The following NREP variants were observed in gnomAD, a reference collection of about 807,000 sequenced individuals.
The protein encoded by NREP is neuronal regeneration-related protein.
NREP carries 5 observed loss-of-function variants against 8.6 expected under a neutral mutation model. The ratio of observed to expected loss-of-function variants is 0.58; its 90% confidence interval spans 0.30 to 1.22. The LOEUF (loss-of-function observed/expected upper bound fraction) is 1.22. Among genes scored for constraint, NREP ranks in the 50% most tolerant of loss-of-function variants. The pLI is 0.07. For synonymous variants in NREP, 27 were observed against 28.0 expected, an observed-to-expected ratio of 0.96 and a Z score of 0.11; for missense variants, 86 against 82.5, an observed-to-expected ratio of 1.04 and a Z score of -0.17.
intron 2 of NREP, among the ~76,000 whole-genome samples, chr5:111,842,746 T>C (rs1581158884): frequency 6.6e-6 from 1 of 152,184 alleles, no homozygotes; most frequent in East Asian, 1.9e-4. Context: ...CATTTCTTGT[T>C]AGGCAAGTTC....
intron 2 of NREP, among the ~76,000 whole-genome samples, chr5:111,778,469 A>T (rs1021496421): frequency 6.6e-6 from 1 of 152,108 alleles, no homozygotes; most frequent in Non-Finnish European, 1.5e-5. Context: ...CCTCTAAACC[A>T]TGTCCTTTTT....
At chr5:111,965,466 A>G (rs1756617282) in intron 2 of NREP, among the ~76,000 whole-genome samples, 1 of 152,198 alleles carries the variant, frequency 6.6e-6, no homozygotes, top group South Asian at 2.1e-4. Flanking sequence ...ATGAAAAATG[A>G]AATATCTAAC....
chr5:111,857,076 C>T (rs1386429695), intron 2 of NREP, among the ~76,000 whole-genome samples: 2 of 152,120 alleles, frequency 1.3e-5, no homozygotes, highest in African/African-American at 2.4e-5. Context: ...TGACAAAACA[C>T]AGCTGTAATA....
intron 2 of NREP, among the ~76,000 whole-genome samples, chr5:111,865,087 G>C (rs574046603): frequency 6.6e-6 from 1 of 152,200 alleles, no homozygotes; most frequent in African/African-American, 2.4e-5. Context: ...TGAAGCAATA[G>C]ACAGCATGCT....
intron 2 of NREP, among the ~76,000 whole-genome samples, chr5:111,945,877 T>A (rs1361336905): frequency 6.6e-6 from 1 of 152,020 alleles, no homozygotes; most frequent in Non-Finnish European, 1.5e-5. Flanking sequence ...TCAGCAAGTT[T>A]CTTACATTTA....
At chr5:111,777,009 G>A (rs1302975515) in intron 2 of NREP, among the ~76,000 whole-genome samples, 1 of 117,866 alleles carries the variant, frequency 8.5e-6, no homozygotes, top group African/African-American at 3.4e-5. Context: ...GGAGGAGGAA[G>A]GAGGTGGAGG....
chr5:111,800,153 C>T (rs911331196), intron 2 of NREP, among the ~76,000 whole-genome samples: 7 of 150,980 alleles, frequency 4.6e-5, no homozygotes, highest in Non-Finnish European at 5.9e-5. Flanking sequence ...TGATCTCAAA[C>T]TCCTGCCCTT....
intron 2 of NREP, among the ~76,000 whole-genome samples, chr5:111,837,573 T>G (rs1454614069): frequency 6.6e-6 from 1 of 152,138 alleles, no homozygotes; most frequent in Admixed American, 6.6e-5. Flanking sequence ...TAAGACTTTA[T>G]CTTACCTTTC....
chr5:111,832,395 G>T (rs1484453206), intron 2 of NREP, among the ~76,000 whole-genome samples: 1 of 152,028 alleles, frequency 6.6e-6, no homozygotes, highest in Non-Finnish European at 1.5e-5. Flanking sequence ...TTAGCTGGGG[G>T]TGGCATGAGC....
At chr5:111,954,557 T>G (rs1756256924) in intron 2 of NREP, among the ~76,000 whole-genome samples, 1 of 152,172 alleles carries the variant, frequency 6.6e-6, no homozygotes, top group Admixed American at 6.5e-5. Flanking sequence ...AAATTATAAC[T>G]TCTCTCTACT....
At chr5:111,935,435 G>T (rs1755656460) in intron 2 of NREP, among the ~76,000 whole-genome samples, 1 of 151,980 alleles carries the variant, frequency 6.6e-6, no homozygotes, top group Non-Finnish European at 1.5e-5. Context: ...CTAGAGGGGA[G>T]GATGTACCCC....
intron 2 of NREP, among the ~76,000 whole-genome samples, chr5:111,941,111 C>T (rs10515437): frequency 0.017 from 2,616 of 151,938 alleles, 37 homozygotes; most frequent in African/African-American, 0.04. Flanking sequence ...CTCTGGGTTA[C>T]CAAGAAATAA....
chr5:111,976,645 T>C, intron 1 of NREP: 2 of 1,347,242 alleles, frequency 1.5e-6, no homozygotes. Context: ...AAACATCCTA[T>C]AATTGTTTTC....
intron 2 of NREP, among the ~76,000 whole-genome samples, chr5:111,753,633 C>T (rs925306802): frequency 2.0e-5 from 3 of 151,872 alleles, no homozygotes; most frequent in Non-Finnish European, 2.9e-5. Flanking sequence ...TCCTCTTTAG[C>T]GTTTTAAATT....
At chr5:111,834,328 T>C (rs1293380697) in intron 2 of NREP, among the ~76,000 whole-genome samples, 1 of 152,218 alleles carries the variant, frequency 6.6e-6, no homozygotes, top group South Asian at 2.1e-4. Flanking sequence ...CATTATCAAA[T>C]ACCATGGCTC....
chr5:111,932,129 A>AG (rs1341247375), intron 2 of NREP, among the ~76,000 whole-genome samples: 3 of 151,706 alleles, frequency 2.0e-5, no homozygotes, highest in Admixed American at 1.3e-4. Context: ...AAAAAAAAAA[A>AG]AAAAGAAAAG....
intron 2 of NREP, among the ~76,000 whole-genome samples, chr5:111,876,633 C>G (rs1464517396): frequency 1.3e-5 from 2 of 152,168 alleles, no homozygotes; most frequent in Admixed American, 6.5e-5. Context: ...GAGGAAAGAC[C>G]ATCATCATTC....
At chr5:111,833,669 A>T (rs143547271) in intron 2 of NREP, among the ~76,000 whole-genome samples, 1 of 152,166 alleles carries the variant, frequency 6.6e-6, no homozygotes, top group Non-Finnish European at 1.5e-5. Context: ...TGATGGTGGT[A>T]ACCTTAATTA....
At position 111,879,171 on chromosome 5, in the gene NREP, A is replaced by T. The variant is rs370767961; in HGVS notation, c.135+96103T>A. 7.2e-4 allele frequency among the ~76,000 whole-genome samples: 110 copies of T among 152,212 alleles called. 1 individual carries two copies. Among genetic ancestry groups the T allele is most frequent in the African/African-American group, 2.6e-3 (109 of 41,522 alleles). ...CTTGCTCCCCCTCTTGCCATGTGAC[A>T]TGCTGGCTCCCCCCTTTTGCCTACT... is the stretch of plus-strand genomic sequence containing the variant. On this transcript the variant is annotated intron_variant, in intron 2 of 3. Coordinates refer to the NREP transcript ENST00000395634.
Sources: allele counts gnomAD v4.1 joint callset (sites outside exome capture counted in the v4.1 genomes callset), GRCh38; gene constraint gnomAD v4.1.1; transcripts MANE v1.5; gene names NCBI Gene and HGNC (gene_info 2026-07-23, HGNC 2026-07-21).